LMO7: variants seen among roughly 807,000 people sequenced by gnomAD.
The protein encoded by LMO7 is LIM domain 7.
A neutral mutation model predicts 206.5 loss-of-function variants in LMO7; 120 were observed. The observed-to-expected ratio is 0.58, with a 90% CI of 0.50 to 0.68. The LOEUF is 0.68. LMO7 is among the 30% of genes least tolerant of loss of function. The probability of loss-of-function intolerance (pLI) is 0.00; values close to 1 mark genes in which losing one functional copy is unlikely to be tolerated. For synonymous variants in LMO7, 706 were observed against 681.5 expected (o/e 1.04, Z -0.56); for missense variants, 1,959 against 1,957.9 (o/e 1.00, Z -0.01).
chr13:75,795,117 A>C (rs1223327170), intron 4 of LMO7, among the ~76,000 whole-genome samples: 2 of 152,140 alleles, frequency 1.3e-5, no homozygotes, highest in Non-Finnish European at 2.9e-5. Context: ...TAAAAATTAG[A>C]CTGAAATGAA....
intron 1 of LMO7, among the ~76,000 whole-genome samples, chr13:75,669,118 G>T (rs890125596): frequency 3.3e-5 from 5 of 152,274 alleles, no homozygotes; most frequent in Non-Finnish European, 1.5e-5. Context: ...CAAAGTAAGT[G>T]CAGTAACCAG....
At chr13:75,743,036 C>T (rs1464523900) in intron 3 of LMO7, among the ~76,000 whole-genome samples, 1 of 151,898 alleles carries the variant, frequency 6.6e-6, no homozygotes, top group Non-Finnish European at 1.5e-5. Context: ...GAAAAAACAA[C>T]CCCACAAAAA....
chr13:75,745,107 C>T (rs1338128727), intron 3 of LMO7, among the ~76,000 whole-genome samples: 1 of 152,060 alleles, frequency 6.6e-6, no homozygotes, highest in African/African-American at 2.4e-5. Flanking sequence ...TCTGAGTTGA[C>T]ATTTGATCAG....
chr13:75,670,223 G>A (rs1019026134), intron 1 of LMO7, among the ~76,000 whole-genome samples: 1 of 152,190 alleles, frequency 6.6e-6, no homozygotes, highest in South Asian at 2.1e-4. Flanking sequence ...TGAAGTAGGG[G>A]AAGTTCAGAT....
At chr13:75,631,546 A>AT, upstream of LMO7, 1 of 27,750 alleles carries the variant, frequency 3.6e-5, no homozygotes, top group Non-Finnish European at 1.1e-4. Flanking sequence ...GGGAAGAAGC[A>AT]GGGGTGGGTG....
At chr13:75,713,091 C>A in intron 1 of LMO7, 91 bp from the exon 2 acceptor site, 1 of 810,874 alleles carries the variant, frequency 1.2e-6, no homozygotes. Context: ...TCAAGTATAA[C>A]ATTAAATGCA....
intron 3 of LMO7, among the ~76,000 whole-genome samples, chr13:75,731,147 G>A (rs962446857): frequency 1.2e-4 from 18 of 152,074 alleles, no homozygotes; most frequent in African/African-American, 2.4e-4. Context: ...TATTAGGTCC[G>A]CCTGGTGCAG....
intron 4 of LMO7, among the ~76,000 whole-genome samples, chr13:75,777,668 CAG>C (rs1335140797): frequency 4.2e-5 from 5 of 119,776 alleles, no homozygotes; most frequent in Admixed American, 9.9e-5. Context: ...TTTTTTGAGA[CAG>C]AGTCTCGCTC....
intron 11 of LMO7, among the ~76,000 whole-genome samples, chr13:75,810,047 G>C (rs905500283): frequency 3.3e-5 from 5 of 152,004 alleles, no homozygotes; most frequent in Non-Finnish European, 7.4e-5. Flanking sequence ...GGTCCGGCTG[G>C]TCTCAAACTC....
At chr13:75,823,503 C>T (rs2057806460) in intron 14 of LMO7, 62 bp from the exon 15 acceptor site, 2 of 1,275,286 alleles carry the variant, frequency 1.6e-6, no homozygotes, top group Non-Finnish European at 2.2e-6. Flanking sequence ...TAATAAACAA[C>T]TTTTAAAAAC....
chr13:75,802,873 A>G (rs2140967825), intron 7 of LMO7, among the ~76,000 whole-genome samples: 1 of 152,298 alleles, frequency 6.6e-6, no homozygotes, highest in African/African-American at 2.4e-5. Flanking sequence ...AGGATAACAG[A>G]ATTGCAATGT....
chr13:75,709,348 T>G (rs1397081678), intron 1 of LMO7, among the ~76,000 whole-genome samples: 1 of 152,204 alleles, frequency 6.6e-6, no homozygotes. Context: ...GTATTTCTAC[T>G]TCAAGATCCC....
chr13:75,761,277 A>T (rs931675241), intron 4 of LMO7, among the ~76,000 whole-genome samples: 17 of 152,106 alleles, frequency 1.1e-4, no homozygotes, highest in Non-Finnish European at 4.4e-5. Context: ...ACCGACAAAA[A>T]TGGTAGTGTT....
At chr13:75,732,524 G>A (rs150275390) in intron 3 of LMO7, among the ~76,000 whole-genome samples, 6 of 151,982 alleles carry the variant, frequency 3.9e-5, no homozygotes, top group East Asian at 1.9e-4. Flanking sequence ...TTATACATTC[G>A]TCTAAATTTT....
chr13:75,664,340 T>A (rs148670740), intron 1 of LMO7, among the ~76,000 whole-genome samples: 1 of 152,332 alleles, frequency 6.6e-6, no homozygotes, highest in East Asian at 1.9e-4. Flanking sequence ...GTTCCATCCA[T>A]GTTGTTTCAA....
intron 4 of LMO7, among the ~76,000 whole-genome samples, chr13:75,773,249 T>G (rs1015066991): frequency 6.6e-6 from 1 of 151,984 alleles, no homozygotes; most frequent in Non-Finnish European, 1.5e-5. Context: ...CATGAGTCTT[T>G]AATGGAGGTG....
intron 3 of LMO7, among the ~76,000 whole-genome samples, chr13:75,738,964 T>G (rs1346048871): frequency 1.3e-5 from 2 of 152,192 alleles, no homozygotes; most frequent in Non-Finnish European, 2.9e-5. Context: ...AGATAATTCT[T>G]TGTTGTGGAG....
intron 3 of LMO7, among the ~76,000 whole-genome samples, chr13:75,738,248 C>T (rs1237338907): frequency 1.3e-5 from 2 of 152,230 alleles, no homozygotes; most frequent in African/African-American, 4.8e-5. Context: ...TTCTTACATC[C>T]TTTGCTATAG....
chr13:75,839,580 G>A (rs1204480893), intron 20 of LMO7: 1 of 153,260 alleles, frequency 6.5e-6, no homozygotes, highest in African/African-American at 2.4e-5. Context: ...AAAGGAAATT[G>A]TTTCTTGAAC....
Sources: gnomAD v4.1 joint callset for allele counts (sites outside exome capture counted in the v4.1 genomes callset) on GRCh38, gnomAD v4.1.1 for gene constraint, MANE v1.5 for transcripts, NCBI Gene and HGNC (gene_info 2026-07-23, HGNC 2026-07-21) for gene names.